Variants in CENPC observed in about 807,000 individuals in gnomAD.
CENPC encodes CENP-C 1.
In CENPC, 63 loss-of-function variants were observed where a neutral mutation model predicts 112.1. The ratio of observed to expected loss-of-function variants is 0.56; its 90% CI spans 0.46 to 0.69. The LOEUF (loss-of-function observed/expected upper bound fraction) is 0.69, where lower values mean the gene tolerates loss of function less well. Ranked by LOEUF, CENPC falls within the 30% of genes least tolerant of loss-of-function variation. The pLI is 0.00. For missense variants in CENPC, 1,000 were observed against 1,103.8 expected (o/e 0.91, Z 1.33); for synonymous variants, 333 against 367.6 (o/e 0.91, Z 1.08).
At chr4:67,505,093 T>C (rs1725697254) in intron 12 of CENPC, 112 bp downstream of exon 12, 1 of 722,002 alleles carries the variant, frequency 1.4e-6, no homozygotes, top group Admixed American at 3.1e-5. Context: ...TCTTAAGAGG[T>C]AGGTACTCAA....
intron 10 of CENPC, among the ~76,000 whole-genome samples, chr4:67,507,322 C>T (rs1470838907): frequency 6.6e-6 from 1 of 152,140 alleles, no homozygotes; most frequent in Admixed American, 6.6e-5. Flanking sequence ...CAATAGGGTC[C>T]TCAGAGGGAC....
chr4:67,523,339 A>G (rs1049587806), intron 5 of CENPC, among the ~76,000 whole-genome samples: 3 of 152,188 alleles, frequency 2.0e-5, no homozygotes, highest in African/African-American at 7.2e-5. Flanking sequence ...TGACGTCTGT[A>G]AGACTGAAGG....
chr4:67,505,073 T>A, intron 12 of CENPC, 132 bp downstream of exon 12: 1 of 653,108 alleles, frequency 1.5e-6, no homozygotes, highest in Non-Finnish European at 2.7e-6. Context: ...TATTAATCTC[T>A]AACTAAGGGT....
chr4:67,481,959 G>A (rs1261679657), intron 17 of CENPC, among the ~76,000 whole-genome samples: 1 of 152,026 alleles, frequency 6.6e-6, no homozygotes, highest in African/African-American at 2.4e-5. Flanking sequence ...GAGTAAACAG[G>A]CAACGGCAGA....
intron 12 of CENPC, among the ~76,000 whole-genome samples, chr4:67,497,363 G>A (rs1393709735): frequency 6.6e-6 from 1 of 151,918 alleles, no homozygotes; most frequent in African/African-American, 2.4e-5. Flanking sequence ...GGGCGACAGA[G>A]GGACACTCCG....
At chr4:67,515,521 T>A (rs911084921) in intron 7 of CENPC, among the ~76,000 whole-genome samples, 1 of 151,734 alleles carries the variant, frequency 6.6e-6, no homozygotes, top group South Asian at 2.1e-4. Context: ...TCTTCCTATC[T>A]TTTTTTACAT....
At chr4:67,504,250 T>C (rs17088445) in intron 12 of CENPC, among the ~76,000 whole-genome samples, 6,904 of 152,076 alleles carry the variant, frequency 0.045, 225 homozygotes, top group Non-Finnish European at 0.067. Context: ...ACAATAACAC[T>C]ACATAGCAAA....
intron 9 of CENPC, 118 bp downstream of exon 9, chr4:67,512,284 G>T: frequency 1.5e-6 from 1 of 684,230 alleles, no homozygotes; most frequent in Non-Finnish European, 2.4e-6. Context: ...TCCTTTTGAT[G>T]ACCCAATTTA....
intron 16 of CENPC, among the ~76,000 whole-genome samples, chr4:67,491,507 A>G (rs1015450121): frequency 2.2e-5 from 3 of 137,798 alleles, no homozygotes; most frequent in African/African-American, 8.0e-5. Flanking sequence ...AGAGAGAGAG[A>G]GAGAGAGAGA....
intron 5 of CENPC, among the ~76,000 whole-genome samples, chr4:67,525,563 TA>T (rs1560439664): frequency 6.6e-6 from 1 of 151,510 alleles, no homozygotes; most frequent in Non-Finnish European, 1.5e-5. Flanking sequence ...CAAACATAAT[TA>T]AAAAAAAGCT....
In CENPC at chr4:67,537,426, CAGG is replaced by C. The variant is rs373691978; in HGVS notation, c.231+2411_231+2413del. On this transcript the variant is annotated intron_variant, in intron 4 of 18. Coordinates refer to ENST00000273853, the MANE Select transcript of CENPC (RefSeq NM_001812.4). ...ATCCCAATGCTTTGGGAAGCTGAGG[CAGG>C]AGGATTGCTTGAGCCCAGAAGTTTG... Among the ~76,000 whole-genome samples the C allele has an allele frequency of 3.8e-3, 573 of 152,224 alleles. 1 individual carries two copies. The highest frequency in any genetic ancestry group is 6.9e-3 in the Admixed American group (105 of 15,288).
intron 17 of CENPC, among the ~76,000 whole-genome samples, chr4:67,480,255 G>T (rs373687680): frequency 6.6e-6 from 1 of 152,114 alleles, no homozygotes; most frequent in African/African-American, 2.4e-5. Flanking sequence ...GGAGATGGAG[G>T]TTACAGTGAG....
rs1236910239 is a variant in CENPC at position 67,508,944 on chromosome 4, G to C, written c.1774C>G (p.Gln592Glu). The C allele has an allele frequency of 6.2e-7, 1 of 1,613,598 alleles. No homozygotes were observed. The highest frequency in any genetic ancestry group is 1.1e-5 in the South Asian group (1 of 91,072). ...GAACCTTCAGCATTTAAAAACTTCTGTACTCTTTGGTTGCCTTTAGTTGCT... is the reference window on the plus strand; with the variant it reads ...GAACCTTCAGCATTTAAAAACTTCTCTACTCTTTGGTTGCCTTTAGTTGCT... Reference protein sequence around the residue: ...KTATKGNQRVQKFLNAEGSGG... With the variant: ...KTATKGNQRVEKFLNAEGSGG... Residue 592 changes from glutamine to glutamate, a missense_variant, in exon 10 of 19, where the codon CAG (glutamine) becomes GAG (glutamate). Gln to Glu is a conservative substitution (Grantham distance 29). Transcript: ENST00000273853.
In CENPC at chr4:67,493,921, C is replaced by G. The variant is rs1376590406; in HGVS notation, c.2253G>C (p.Trp751Cys). ...KRTRLKPLEY[W>C]RGERIDYQGR... is the part of the protein sequence containing the mutation. ...CTTGATAATCTATTCGCTCTCCTCG[C>G]CAGTACTCCAAAGGTTTCAAACGTG... The change falls in exon 14 of 19, where the codon TGG (tryptophan) becomes TGC (cysteine). Residue 751 changes from tryptophan (W) to cysteine (C), a missense_variant. Trp to Cys is a radical substitution (Grantham distance 215). Coordinates refer to ENST00000273853, the MANE Select transcript of CENPC (RefSeq NM_001812.4). 1.2e-6 allele frequency: 2 copies of G among 1,612,804 alleles called. No individual in the cohort carries two copies. The highest frequency in any genetic ancestry group is 3.3e-5 in the Admixed American group (2 of 59,922).
intron 1 of CENPC, 49 bp from the exon 2 acceptor site, chr4:67,544,244 G>A (rs994111173): frequency 1.9e-6 from 2 of 1,041,784 alleles, no homozygotes; most frequent in Admixed American, 1.9e-5. Flanking sequence ...ATAGAGTCGA[G>A]TAAAATTTAT....
chr4:67,515,716 T>C (rs355460), intron 7 of CENPC, among the ~76,000 whole-genome samples: 95,233 of 151,704 alleles, frequency 0.63, 30,352 homozygotes, highest in East Asian at 0.81. Flanking sequence ...ATTCCAAGTT[T>C]GGGTATTTCA....
rs1239407846 is a variant in CENPC, at chr4:67,509,125, C to A, written c.1613-20G>T. Reference sequence around the variant, plus strand: ...CAGGACCTGAAGGATTCAATGATAACCTAAAGTTAGTAAGTTTGTCCAGAT... The same window carrying A: ...CAGGACCTGAAGGATTCAATGATAAACTAAAGTTAGTAAGTTTGTCCAGAT... On this transcript the variant is annotated intron_variant, in intron 9 of 18. Transcript: ENST00000273853. 1 of 1,561,136 alleles carries A rather than the reference C, an allele frequency of 6.4e-7. No homozygotes were observed. Among genetic ancestry groups the A allele is most frequent in the African/African-American group, 1.4e-5 (1 of 72,994 alleles).
chr4:67,539,052 AT>A (rs993758206), intron 4 of CENPC, among the ~76,000 whole-genome samples: 40 of 152,336 alleles, frequency 2.6e-4, no homozygotes, highest in African/African-American at 9.4e-4. Flanking sequence ...AAAAAAGACA[AT>A]ATTATTCATA....
chr4:67,514,445 A>G lies in CENPC; in HGVS notation c.1073T>C (p.Leu358Ser), dbSNP rs1355364195. ...TTTATGGGAATGTTTGTCATTTGCC[A>G]AAGTCTTAGGTAATATATTATGATG... ...EKHHNILPKTLANDKHSHKPH... is the reference protein window; with the variant it reads ...EKHHNILPKTSANDKHSHKPH... Residue 358 changes from leucine to serine, a missense_variant, in exon 8 of 19, where the codon TTG (leucine) becomes TCG (serine). Leu to Ser is a moderately radical substitution (Grantham distance 145, BLOSUM62 -2). Transcript: ENST00000273853. 7.4e-6 allele frequency: 12 copies of G among 1,613,486 alleles called. No homozygotes were observed. Among genetic ancestry groups the G allele is most frequent in the Non-Finnish European group, 1.0e-5 (12 of 1,179,860 alleles).
Sources: allele counts gnomAD v4.1 joint callset (sites outside exome capture counted in the v4.1 genomes callset), GRCh38; gene constraint gnomAD v4.1.1; transcripts MANE v1.5; gene names NCBI Gene and HGNC (gene_info 2026-07-23, HGNC 2026-07-21).